FLVCR2: variants seen among roughly 807,000 people sequenced by gnomAD.
FLVCR2 encodes the protein FLVCR choline and putative heme transporter 2.
FLVCR2 carries 38 observed loss-of-function variants against 48.9 expected under a neutral mutation model. The observed-to-expected ratio is 0.78, with a 90% CI of 0.60 to 1.02. The LOEUF is 1.02. FLVCR2 is among the 50% of genes least tolerant of loss of function. The pLI is 0.00. For synonymous variants in FLVCR2, 255 were observed against 257.0 expected (o/e 0.99, Z 0.07); for missense variants, 664 against 663.3 (o/e 1.00, Z -0.01).
intron 3 of FLVCR2, among the ~76,000 whole-genome samples, chr14:75,632,368 G>A (rs542383145): frequency 1.3e-5 from 2 of 152,014 alleles, no homozygotes; most frequent in East Asian, 3.9e-4. Flanking sequence ...TGATACAAAT[G>A]GACAGAGAGA....
At chr14:75,632,938 C>A (rs745341423) in intron 3 of FLVCR2, 3 of 702,356 alleles carry the variant, frequency 4.3e-6, no homozygotes, top group Non-Finnish European at 5.2e-6. Context: ...GGCCAGGAGG[C>A]CTTTTCTCCT....
At chr14:75,601,216 A>G (rs1280901989) in intron 1 of FLVCR2, among the ~76,000 whole-genome samples, 1 of 152,264 alleles carries the variant, frequency 6.6e-6, no homozygotes, top group Non-Finnish European at 1.5e-5. Flanking sequence ...TAAGACACAG[A>G]TTGCTCATGC....
chr14:75,606,473 A>C (rs1156632258), intron 1 of FLVCR2, among the ~76,000 whole-genome samples: 1 of 151,826 alleles, frequency 6.6e-6, no homozygotes, highest in African/African-American at 2.4e-5. Flanking sequence ...ATTTGAGCAC[A>C]CCCAGGATTC....
chr14:75,620,789 G>A (rs1173672613), intron 1 of FLVCR2, among the ~76,000 whole-genome samples: 2 of 152,228 alleles, frequency 1.3e-5, no homozygotes, highest in Non-Finnish European at 2.9e-5. Context: ...TAAACATCTT[G>A]AATGGCTGTA....
intron 1 of FLVCR2, among the ~76,000 whole-genome samples, chr14:75,580,382 A>C (rs1159311140): frequency 6.6e-6 from 1 of 152,194 alleles, no homozygotes; most frequent in African/African-American, 2.4e-5. Context: ...CTCGAAGCAA[A>C]TATTTATGGG....
In FLVCR2 at chr14:75,579,801, G is replaced by A. The variant is rs11850801; in HGVS notation, c.669+160G>A. ...GCAGTGATTGTGATGCTGTAAGAGAGGCGGGAAACAAAAGCAGGGGGACCT... is the reference window on the plus strand; with the variant it reads ...GCAGTGATTGTGATGCTGTAAGAGAAGCGGGAAACAAAAGCAGGGGGACCT... On this transcript the variant is annotated intron_variant, in intron 1 of 9. Coordinates refer to ENST00000238667, the MANE Select transcript of FLVCR2 (RefSeq NM_017791.3). Among the ~76,000 whole-genome samples, 5,020 of 152,306 alleles carry A rather than the reference G, an allele frequency of 0.033. 258 individuals are homozygous for A. The highest frequency in any genetic ancestry group is 0.11 in the African/African-American group (4,636 of 41,536).
chr14:75,605,603 T>C, intron 1 of FLVCR2: 1 of 1,536,108 alleles, frequency 6.5e-7, no homozygotes, highest in Non-Finnish European at 8.7e-7. Flanking sequence ...CCATCTGTGT[T>C]TGTAGAAGCG....
intron 1 of FLVCR2, among the ~76,000 whole-genome samples, chr14:75,597,063 C>G (rs1405451817): frequency 6.6e-6 from 1 of 152,064 alleles, no homozygotes; most frequent in Non-Finnish European, 1.5e-5. Flanking sequence ...AGGAGGACTG[C>G]TTGAGCCCAG....
At chr14:75,596,897 G>A (rs1889037182) in intron 1 of FLVCR2, among the ~76,000 whole-genome samples, 1 of 149,536 alleles carries the variant, frequency 6.7e-6, no homozygotes, top group South Asian at 2.1e-4. Flanking sequence ...TCTGTAGCTG[G>A]CTTATGAAAT....
intron 1 of FLVCR2, among the ~76,000 whole-genome samples, chr14:75,599,297 T>A (rs1889102552): frequency 6.6e-6 from 1 of 152,008 alleles, no homozygotes; most frequent in Non-Finnish European, 1.5e-5. Context: ...TTAACTCAAC[T>A]TCATTTTTAT....
chr14:75,607,349 G>C (rs1347376551), intron 1 of FLVCR2, among the ~76,000 whole-genome samples: 2 of 152,084 alleles, frequency 1.3e-5, no homozygotes, highest in African/African-American at 4.8e-5. Flanking sequence ...GGTAAACGGA[G>C]GTGCAATTAA....
chr14:75,645,874 C>T (rs568676600), intron 9 of FLVCR2, among the ~76,000 whole-genome samples: 5 of 148,092 alleles, frequency 3.4e-5, no homozygotes, highest in South Asian at 2.2e-4. Flanking sequence ...GCCGAGATCG[C>T]GCCATTGCAC....
chr14:75,589,268 C>T (rs902311291), intron 1 of FLVCR2, among the ~76,000 whole-genome samples: 4 of 151,970 alleles, frequency 2.6e-5, no homozygotes, highest in Admixed American at 6.6e-5. Context: ...AATACAATGG[C>T]GGGACAGAGA....
intron 3 of FLVCR2, chr14:75,632,591 T>A: frequency 1.4e-6 from 1 of 702,136 alleles, no homozygotes; most frequent in East Asian, 2.7e-5. Flanking sequence ...TCCGGAAGGC[T>A]ATATGAACTG....
At chr14:75,598,051 C>T (rs1397291013) in intron 1 of FLVCR2, among the ~76,000 whole-genome samples, 4 of 151,192 alleles carry the variant, frequency 2.6e-5, no homozygotes, top group African/African-American at 9.7e-5. Flanking sequence ...CGCTTTGTTG[C>T]CTAAGCTGGT....
chr14:75,640,085 G>A (rs1286030548), intron 6 of FLVCR2, among the ~76,000 whole-genome samples: 4 of 151,924 alleles, frequency 2.6e-5, no homozygotes, highest in South Asian at 2.1e-4. Flanking sequence ...TGGTGATACC[G>A]CGTCTCTACT....
chr14:75,644,052 G>A (rs200023638), intron 9 of FLVCR2, among the ~76,000 whole-genome samples: 3 of 101,922 alleles, frequency 2.9e-5, no homozygotes, highest in Non-Finnish European at 2.4e-5. Context: ...AAAAAAAAAA[G>A]AGAGAGAGAG....
At chr14:75,617,326 C>T (rs1004131932) in intron 1 of FLVCR2, among the ~76,000 whole-genome samples, 1 of 152,190 alleles carries the variant, frequency 6.6e-6, no homozygotes, top group African/African-American at 2.4e-5. Context: ...GTGACATTTG[C>T]TCTGGAAACG....
intron 6 of FLVCR2, among the ~76,000 whole-genome samples, chr14:75,640,150 T>C (rs1890273625): frequency 6.6e-6 from 1 of 151,296 alleles, no homozygotes; most frequent in African/African-American, 2.4e-5. Context: ...TCCCAGCTAC[T>C]TGGGAGGCTG....
Sources: gnomAD v4.1 joint callset for allele counts (sites outside exome capture counted in the v4.1 genomes callset) on GRCh38, gnomAD v4.1.1 for gene constraint, MANE v1.5 for transcripts, NCBI Gene and HGNC (gene_info 2026-07-23, HGNC 2026-07-21) for gene names.